The following COL4A6 variants were observed in gnomAD, a reference collection of about 807,000 sequenced individuals.
COL4A6 encodes the protein collagen alpha-6(IV) chain.
COL4A6 carries 59 observed loss-of-function variants against 126.7 expected under a neutral mutation model. The ratio of observed to expected loss-of-function variants is 0.47; its 90% confidence interval spans 0.38 to 0.58. The LOEUF (loss-of-function observed/expected upper bound fraction) is 0.58. COL4A6 is among the 20% of genes least tolerant of loss of function. The pLI, the probability that COL4A6 is intolerant of heterozygous loss-of-function variation, is 0.00. For missense variants in COL4A6, 1,285 were observed against 1,337.3 expected (o/e 0.96, Z 0.61); for synonymous variants, 547 against 496.6 (o/e 1.10, Z -1.35).
At chrX:108,196,654 G>T (rs1332592223) in intron 13 of COL4A6, 75 bp from the exon 14 acceptor site, 10 of 897,931 alleles carry the variant, frequency 1.1e-5, no homozygotes, top group Non-Finnish European at 1.6e-5. Flanking sequence ...AAAGCAAGGA[G>T]GCTATTTTAA....
At chrX:108,307,242 G>A (rs1366186397) in intron 3 of COL4A6, among the ~76,000 whole-genome samples, 1 of 111,849 alleles carries the variant, frequency 8.9e-6, no homozygotes, top group Non-Finnish European at 1.9e-5. Context: ...TTAACACTAT[G>A]AGGCAGGTCA....
rs376112982 is a variant in COL4A6 at position 108,169,559 on chromosome X, T to A, written c.3627A>T (p.Gly1209=). 8.3e-7 allele frequency: 1 copy of A among 1,209,723 alleles called. No individual in the cohort carries two copies. Among genetic ancestry groups the A allele is most frequent in the African/African-American group, 1.8e-5 (1 of 57,083 alleles). The change falls in exon 37 of 45, where the codon GGA becomes GGT. Residue 1209 remains glycine, a synonymous_variant. Transcript: ENST00000334504. ...AGLPGPKGEK[G]YPGIGIGAPG... is the part of the protein sequence containing the mutation. ...GAGCTCCGATGCCAATTCCTGGATATCCTTTTTCTCCTTTGGGTCCAGGGA... is the reference window on the plus strand; with the variant it reads ...GAGCTCCGATGCCAATTCCTGGATAACCTTTTTCTCCTTTGGGTCCAGGGA...
intron 3 of COL4A6, among the ~76,000 whole-genome samples, chrX:108,299,880 C>T (rs1289782007): frequency 8.9e-6 from 1 of 111,767 alleles, no homozygotes; most frequent in Non-Finnish European, 1.9e-5. Flanking sequence ...TTCTAAGGTA[C>T]TCTGCAGACT....
At chrX:108,184,614 C>A (rs1202872188) in intron 23 of COL4A6, among the ~76,000 whole-genome samples, 1 of 112,217 alleles carries the variant, frequency 8.9e-6, no homozygotes, top group Non-Finnish European at 1.9e-5. Flanking sequence ...GATGGGCTGC[C>A]CAATCTTGGA....
chrX:108,292,914 C>T (rs1343833204), intron 3 of COL4A6, among the ~76,000 whole-genome samples: 3 of 98,426 alleles, frequency 3.0e-5, no homozygotes, highest in Non-Finnish European at 6.1e-5. Context: ...ATGCCACTAC[C>T]CTCCAGCCTG....
At chrX:108,409,247 G>C (rs945211081) in intron 2 of COL4A6, among the ~76,000 whole-genome samples, 7 of 111,991 alleles carry the variant, frequency 6.3e-5, no homozygotes, top group African/African-American at 1.6e-4. Flanking sequence ...AACTTAGCCT[G>C]AGTATGTGAG....
Position 108,174,420 on chromosome X carries a change from A to T in COL4A6, c.3138+20T>A, listed in dbSNP as rs930686571. The T allele has an allele frequency of 8.3e-7, 1 of 1,205,995 alleles. No individual in the cohort carries two copies. The highest frequency in any genetic ancestry group is 1.1e-6 in the Non-Finnish European group (1 of 892,594). The stretch of plus-strand genomic sequence containing the variant: ...GGGGGGCCTTTTCTGGTATAAAGAC[A>T]AAGATCTGGTCACACTTACACTTTC... On this transcript the variant is annotated intron_variant, in intron 31 of 44. Transcript: ENST00000334504.
intron 2 of COL4A6, among the ~76,000 whole-genome samples, chrX:108,317,358 A>G (rs1043251810): frequency 8.9e-6 from 1 of 111,938 alleles, no homozygotes; most frequent in Non-Finnish European, 1.9e-5. Flanking sequence ...AGATGTGTAT[A>G]AGATATTCAA....
chrX:108,332,589 C>G (rs991410113), intron 2 of COL4A6, among the ~76,000 whole-genome samples: 3 of 111,897 alleles, frequency 2.7e-5, no homozygotes, highest in Non-Finnish European at 5.6e-5. Flanking sequence ...ATTTGCATTT[C>G]TCTGGTGATT....
chrX:108,345,935 A>G (rs1364077497), intron 2 of COL4A6, among the ~76,000 whole-genome samples: 1 of 111,499 alleles, frequency 9.0e-6, no homozygotes, highest in Non-Finnish European at 1.9e-5. Flanking sequence ...AGGCATCCAT[A>G]CTTTTTAAAG....
rs1252478935 is a variant in COL4A6, at chrX:108,169,541, G to A, written c.3645C>T (p.Ile1215=). 6 of 1,209,822 alleles carry A rather than the reference G, an allele frequency of 5.0e-6. No individual in the cohort carries two copies. In the Admixed American group the frequency reaches 1.1e-4, roughly 22 times the overall value. The change falls in exon 37 of 45, where the codon ATC becomes ATT. Residue 1215 remains isoleucine, a synonymous_variant. Transcript: ENST00000334504. ...TCAGGCCCGGCTTCCCTGGAGCTCC[G>A]ATGCCAATTCCTGGATATCCTTTTT... ...KGEKGYPGIG[I]GAPGKPGLRG... is the part of the protein sequence containing the mutation.
rs2033892309 is a variant in COL4A6 at position 108,160,501 on chromosome X, A to G, written c.4487T>C (p.Phe1496Ser). The stretch of plus-strand genomic sequence containing the variant: ...GTGGGCTTTCTCTTGCCCCTCCACA[A>G]ACAGTAAGCTGTACCCCACCCACAG... ...SQLWVGYSLL[F>S]VEGQEKAHNQ... Residue 1496 changes from phenylalanine to serine, a missense_variant, in exon 43 of 45, where the codon TTT becomes TCT. By Grantham distance (155) the Phe-to-Ser change is radical. Coordinates refer to ENST00000334504, the MANE Select transcript of COL4A6 (RefSeq NM_033641.4). 8.3e-7 allele frequency: 1 copy of G among 1,208,071 alleles called. No individual in the cohort carries two copies. Among genetic ancestry groups the G allele is most frequent in the East Asian group, 3.0e-5 (1 of 33,614 alleles).
At chrX:108,283,004 G>A (rs1197447283) in intron 3 of COL4A6, among the ~76,000 whole-genome samples, 2 of 67,678 alleles carry the variant, frequency 3.0e-5, no homozygotes, top group African/African-American at 1.1e-4. Context: ...TTGTGGGGTG[G>A]GGGGAGGGGG....
At chrX:108,348,763 G>A (rs971903139) in intron 2 of COL4A6, among the ~76,000 whole-genome samples, 2 of 111,843 alleles carry the variant, frequency 1.8e-5, no homozygotes, top group African/African-American at 6.5e-5. Context: ...CTCAATCCCA[G>A]TAATAGAACC....
intron 3 of COL4A6, among the ~76,000 whole-genome samples, chrX:108,277,326 CAGGAGATTATATCCCGCACA>C (rs1476945659): frequency 8.9e-6 from 1 of 111,871 alleles, no homozygotes; most frequent in Non-Finnish European, 1.9e-5. Flanking sequence ...AACGGCGCAC[CAGGAGATTATATCCCGCACA>C]TGGCTCAGAG....
intron 16 of COL4A6, 101 bp downstream of exon 16, chrX:108,194,433 A>C: frequency 2.3e-6 from 2 of 874,775 alleles, no homozygotes; most frequent in Non-Finnish European, 3.2e-6. Flanking sequence ...ATTGAAACTT[A>C]AAAGGTCAAA....
In COL4A6 at chrX:108,162,237, C is replaced by G. The variant is rs1173537677; in HGVS notation, c.4217-502G>C. On this transcript the variant is annotated intron_variant, in intron 41 of 44. Transcript: ENST00000334504. Reference sequence around the variant, plus strand: ...TGGTGGTATGCACCTGTAGTCCCCGCTACTCCGGAGGCTGAGGCGGGAGAA... The same window carrying G: ...TGGTGGTATGCACCTGTAGTCCCCGGTACTCCGGAGGCTGAGGCGGGAGAA... 3.6e-5 allele frequency among the ~76,000 whole-genome samples: 4 copies of G among 110,484 alleles called. No individual in the cohort carries two copies. The South Asian group carries it at 1.6e-3, about 44-fold the overall frequency.
chrX:108,246,797 G>C lies in COL4A6; in HGVS notation c.145-25423C>G, dbSNP rs776670030. On this transcript the variant is annotated intron_variant, in intron 3 of 44. Transcript: ENST00000334504. ...CCTATCTACACAGGGACAGGAAGGG[G>C]GGTATCTGAACTCCTTTGGCTTCCG... is the stretch of plus-strand genomic sequence containing the variant. Among the ~76,000 whole-genome samples, 184 of 110,555 alleles carry C rather than the reference G, an allele frequency of 1.7e-3. 1 individual carries two copies. The highest frequency in any genetic ancestry group is 4.9e-3 in the Admixed American group (51 of 10,382).
At position 108,388,023 on chromosome X, in the gene COL4A6, G is replaced by C. The variant is rs768501264; in HGVS notation, c.63+49919C>G. 3.7e-4 allele frequency among the ~76,000 whole-genome samples: 42 copies of C among 112,050 alleles called. 1 individual carries two copies. In the South Asian group the frequency reaches 0.016, roughly 42 times the overall value. On this transcript the variant is annotated intron_variant, in intron 2 of 44. Coordinates refer to ENST00000334504, the MANE Select transcript of COL4A6 (RefSeq NM_033641.4). ...GTTTATGTGATGGATTACATTTATTGATTTGTGTATGTTGAACCAGCCTTG... is the reference window on the plus strand; with the variant it reads ...GTTTATGTGATGGATTACATTTATTCATTTGTGTATGTTGAACCAGCCTTG...
Sources: gnomAD v4.1 joint callset for allele counts (sites outside exome capture counted in the v4.1 genomes callset) on GRCh38, gnomAD v4.1.1 for gene constraint, MANE v1.5 for transcripts, NCBI Gene and HGNC (gene_info 2026-07-23, HGNC 2026-07-21) for gene names.